Variants in TENT4B observed in about 807,000 individuals in gnomAD.
TENT4B encodes the protein PAP associated domain containing 5.
TENT4B carries 10 observed loss-of-function variants against 75.0 expected under a neutral mutation model. The observed-to-expected ratio is 0.13, with a 90% CI of 0.08 to 0.23. TENT4B has a LOEUF of 0.23. Ranked by LOEUF, TENT4B falls within the 10% of genes least tolerant of loss-of-function variation. The pLI, the probability that TENT4B is intolerant of heterozygous loss-of-function variation, is 1.00. For missense variants in TENT4B, 579 were observed against 893.8 expected (o/e 0.65, Z 4.49); for synonymous variants, 350 against 357.7 (o/e 0.98, Z 0.24).
rs2032263151 is a variant in TENT4B at position 50,230,658 on chromosome 16, T to C, written c.*1330T>C. 7.1e-6 allele frequency: 7 copies of C among 985,560 alleles called. No homozygotes were observed. The highest frequency in any genetic ancestry group is 8.4e-6 in the Non-Finnish European group (7 of 829,776). 61.1% of individuals were successfully genotyped at this position (985,560 alleles called of 1,614,324 possible). On this transcript the variant is annotated 3_prime_UTR_variant, in exon 12 of 12. Transcript: ENST00000561678. ...ATCCTCTTCTTTCATGGAATTGTTA[T>C]CGTTAATTAAAACTTTTTTAAACAT...
intron 1 of TENT4B, among the ~76,000 whole-genome samples, chr16:50,158,275 T>TG (rs985519603): frequency 3.9e-5 from 6 of 152,000 alleles, no homozygotes; most frequent in Non-Finnish European, 7.4e-5. Flanking sequence ...TTAGTAGAGA[T>TG]GGGGTCTCAC....
At chr16:50,221,415 G>A (rs181231887) in intron 5 of TENT4B, among the ~76,000 whole-genome samples, 4 of 152,284 alleles carry the variant, frequency 2.6e-5, no homozygotes, top group African/African-American at 7.2e-5. Flanking sequence ...GACTCATTCT[G>A]TACATACTTG....
intron 1 of TENT4B, among the ~76,000 whole-genome samples, chr16:50,166,397 A>G (rs892673293): frequency 6.6e-6 from 1 of 151,918 alleles, no homozygotes; most frequent in Non-Finnish European, 1.5e-5. Context: ...CACTTTCTTT[A>G]TTATCTGTCT....
chr16:50,157,012 A>T (rs986245298), intron 1 of TENT4B, among the ~76,000 whole-genome samples: 11 of 152,172 alleles, frequency 7.2e-5, no homozygotes, highest in African/African-American at 2.7e-4. Flanking sequence ...ATAGGTATTT[A>T]AAAAAATCTG....
At chr16:50,175,871 C>G (rs1396986864) in intron 1 of TENT4B, among the ~76,000 whole-genome samples, 2 of 151,872 alleles carry the variant, frequency 1.3e-5, no homozygotes, top group African/African-American at 4.8e-5. Context: ...CAGCCTTGAC[C>G]TCCTAGGGTC....
intron 1 of TENT4B, among the ~76,000 whole-genome samples, chr16:50,168,562 C>T (rs1174910459): frequency 6.6e-6 from 1 of 151,536 alleles, no homozygotes; most frequent in Non-Finnish European, 1.5e-5. Flanking sequence ...GATCCACCCA[C>T]CTTGGCCTCC....
intron 1 of TENT4B, 148 bp from the exon 2 acceptor site, chr16:50,211,175 T>TC (rs1390376266): frequency 3.5e-6 from 3 of 850,990 alleles, no homozygotes; most frequent in African/African-American, 1.8e-5. Context: ...TTCTGTACAT[T>TC]CCCATTTTAG....
At chr16:50,196,675 C>G (rs897813583) in intron 1 of TENT4B, among the ~76,000 whole-genome samples, 13 of 151,930 alleles carry the variant, frequency 8.6e-5, no homozygotes, top group African/African-American at 3.1e-4. Context: ...TGCCTGTAAT[C>G]CCAGCACTTT....
chr16:50,216,111 C>A lies in TENT4B; in HGVS notation c.846C>A (p.Asn282Lys). The change falls in exon 4 of 12, where the codon AAC (asparagine) becomes AAA (lysine). Residue 282 changes from asparagine to lysine, a missense_variant. By Grantham distance (94) the Asn-to-Lys change is moderately conservative. Around this residue, in one of 7 missense-constraint regions of TENT4B, gnomAD observed 55 missense variants for 77.1 expected, o/e 0.71. Coordinates refer to ENST00000561678, the MANE Select transcript of TENT4B (RefSeq NM_001365324.3). ...TAGTGGTGTTTGGGAAGTGGGAGAA[C>A]CTACCCCTCTGGACTCTGGAAGAAG... ...IDLVVFGKWE[N>K]LPLWTLEEAL... 1 of 1,613,936 alleles carries A rather than the reference C, an allele frequency of 6.2e-7. No homozygotes were observed. The highest frequency in any genetic ancestry group is 8.5e-7 in the Non-Finnish European group (1 of 1,179,866).
At chr16:50,217,238 A>G (rs1262318208) in intron 4 of TENT4B, among the ~76,000 whole-genome samples, 1 of 152,224 alleles carries the variant, frequency 6.6e-6, no homozygotes, top group African/African-American at 2.4e-5. Flanking sequence ...TTCAGTATGT[A>G]TATCAAGATA....
chr16:50,196,960 T>G (rs1333072326), intron 1 of TENT4B, among the ~76,000 whole-genome samples: 1 of 151,564 alleles, frequency 6.6e-6, no homozygotes, highest in Non-Finnish European at 1.5e-5. Flanking sequence ...AGTACAACTT[T>G]AAGCAGGATG....
chr16:50,222,260 T>G, intron 5 of TENT4B, 46 bp from the exon 6 acceptor site: 1 of 1,526,718 alleles, frequency 6.5e-7, no homozygotes, highest in Non-Finnish European at 8.9e-7. Flanking sequence ...TGCTTAGATC[T>G]GTTGCTGATA....
intron 2 of TENT4B, 34 bp from the exon 3 acceptor site, chr16:50,214,187 C>T (rs2031431282): frequency 1.3e-6 from 2 of 1,485,504 alleles, no homozygotes; most frequent in African/African-American, 2.8e-5. Context: ...CTTCTGATAA[C>T]TCAATATAAT....
At chr16:50,204,579 A>G (rs974861217) in intron 1 of TENT4B, among the ~76,000 whole-genome samples, 1 of 152,128 alleles carries the variant, frequency 6.6e-6, no homozygotes, top group African/African-American at 2.4e-5. Flanking sequence ...GTAAAGATCC[A>G]TCTGCAGTCT....
intron 1 of TENT4B, among the ~76,000 whole-genome samples, chr16:50,195,959 A>G (rs547959218): frequency 6.6e-6 from 1 of 152,344 alleles, no homozygotes; most frequent in South Asian, 2.1e-4. Flanking sequence ...GATATAGTAG[A>G]AATACTCTTG....
Position 50,174,083 on chromosome 16 carries a change from T to C in TENT4B, c.638+19824T>C, listed in dbSNP as rs777370610. On this transcript the variant is annotated intron_variant, in intron 1 of 11. Transcript: ENST00000561678. ...ATTTTTTAATCAGATTGTTCTTTTA[T>C]TGCTTCTGGGGTTCTTTTTGTTTGC... 1.2e-3 allele frequency among the ~76,000 whole-genome samples: 178 copies of C among 152,300 alleles called. 1 individual carries two copies. The highest frequency in any genetic ancestry group is 1.8e-3 in the Admixed American group (28 of 15,292).
chr16:50,231,546 CAT>C lies in TENT4B; in HGVS notation c.*2219_*2220del. 1 of 985,690 alleles carries C rather than the reference CAT, an allele frequency of 1.0e-6. No individual in the cohort carries two copies. The highest frequency in any genetic ancestry group is 1.2e-6 in the Non-Finnish European group (1 of 829,870). The allele number at this position is 985,690 out of a possible 1,614,324, so 61.1% of individuals were successfully genotyped here. On this transcript the variant is annotated 3_prime_UTR_variant, in exon 12 of 12. Transcript: ENST00000561678. ...GTGCGAATATTAGTGTTCCAATAAGCATGTGATTATATTAAGGTGGTGGTAGC... is the reference window on the plus strand; with the variant it reads ...GTGCGAATATTAGTGTTCCAATAAGCGTGATTATATTAAGGTGGTGGTAGC...
chr16:50,211,626 C>T (rs2031283160), intron 2 of TENT4B, among the ~76,000 whole-genome samples, 180 bp downstream of exon 2: 1 of 152,150 alleles, frequency 6.6e-6, no homozygotes, highest in Admixed American at 6.5e-5. Context: ...GGCTTCCTAA[C>T]TATTTTCATT....
intron 1 of TENT4B, among the ~76,000 whole-genome samples, chr16:50,198,887 A>AT (rs1326887258): frequency 6.6e-6 from 1 of 152,260 alleles, no homozygotes; most frequent in Non-Finnish European, 1.5e-5. Context: ...CCATGAGAGT[A>AT]TATATAATCA....
Sources: gnomAD v4.1 joint callset for allele counts (sites outside exome capture counted in the v4.1 genomes callset) on GRCh38, gnomAD v4.1.1 for gene constraint, gnomAD v4.1.1 regional missense constraint, MANE v1.5 for transcripts, NCBI Gene and HGNC (gene_info 2026-07-23, HGNC 2026-07-21) for gene names.